The following BIRC6 variants were observed in gnomAD, a reference collection of about 807,000 sequenced individuals.
BIRC6 encodes dual E2 ubiquitin-conjugating enzyme/E3 ubiquitin-protein ligase BIRC6.
A neutral mutation model predicts 503.3 loss-of-function variants in BIRC6; 98 were observed. The ratio of observed to expected loss-of-function variants is 0.19; its 90% CI spans 0.17 to 0.23. The LOEUF is 0.23. BIRC6 is among the 10% of genes least tolerant of loss of function. The pLI is 1.00. For missense variants in BIRC6, 5,360 were observed against 5,806.0 expected, an observed-to-expected ratio of 0.92 and a Z score of 2.50; for synonymous variants, 2,240 against 2,078.7, an observed-to-expected ratio of 1.08 and a Z score of -2.11.
In BIRC6 at chr2:32,575,477, A is replaced by G. The variant is rs941390587; in HGVS notation, c.13355+111A>G. The G allele has an allele frequency of 7.0e-6, 7 of 1,002,242 alleles. No homozygotes were observed. The South Asian group carries it at 1.0e-4, about 15-fold the overall frequency. 62.1% of individuals were successfully genotyped at this position (1,002,242 alleles called of 1,614,324 possible). On this transcript the variant is annotated intron_variant, in intron 66 of 73. Coordinates refer to ENST00000421745, the MANE Select transcript of BIRC6 (RefSeq NM_016252.4). ...ATATGTGCTTTTTAAAAGCATATAC[A>G]CCCTCGGCTGGGTGCGGTGGCTCAC... is the stretch of plus-strand genomic sequence containing the variant.
At chr2:32,486,107 T>C (rs1433006234) in intron 40 of BIRC6, among the ~76,000 whole-genome samples, 1 of 152,176 alleles carries the variant, frequency 6.6e-6, no homozygotes, top group Non-Finnish European at 1.5e-5. Flanking sequence ...TATGATGAAG[T>C]AGATTTTTTG....
At position 32,515,667 on chromosome 2, in the gene BIRC6, C is replaced by G. The variant is rs1232630054; in HGVS notation, c.11246C>G (p.Thr3749Arg). ...RSASLSSAAT[T>R]GLTTQQRTAI... Reference sequence around the variant, plus strand: ...GCTTCTCTTTCTTCAGCTGCTACAACAGGACTGACTACTCAACAGCGCACA... The same window carrying G: ...GCTTCTCTTTCTTCAGCTGCTACAAGAGGACTGACTACTCAACAGCGCACA... Residue 3749 changes from threonine to arginine, a missense_variant, in exon 55 of 74, where the codon ACA (threonine) becomes AGA (arginine). This residue lies in a region of BIRC6 where 878 missense variants were observed against 928.9 expected (regional missense o/e 0.95). Transcript: ENST00000421745. 6.2e-7 allele frequency: 1 copy of G among 1,608,782 alleles called. No individual in the cohort carries two copies. The highest frequency in any genetic ancestry group is 2.2e-5 in the East Asian group (1 of 44,866).
chr2:32,499,440 A>C, intron 45 of BIRC6, 107 bp from the exon 46 acceptor site: 1 of 965,324 alleles, frequency 1.0e-6, no homozygotes, highest in Non-Finnish European at 1.5e-6. Context: ...GTATTGTGAT[A>C]AGTTACTACT....
intron 20 of BIRC6, among the ~76,000 whole-genome samples, chr2:32,444,816 G>C (rs1005557991): frequency 6.6e-6 from 1 of 152,174 alleles, no homozygotes; most frequent in Admixed American, 6.5e-5. Flanking sequence ...TTTAGGTAAA[G>C]CGTGTTTATA....
intron 51 of BIRC6, 120 bp from the exon 52 acceptor site, chr2:32,509,618 G>C: frequency 8.9e-7 from 1 of 1,126,280 alleles, no homozygotes; most frequent in South Asian, 1.4e-5. Flanking sequence ...AAAAAAACAT[G>C]TCTTAGATTG....
Position 32,499,815 on chromosome 2 carries a change from A to C in BIRC6, c.8737A>C (p.Met2913Leu). ...PGDAKAVCGE[M>L]TRDQLMFDLL... Reference sequence around the variant, plus strand: ...TGATGCAAAAGCAGTTTGTGGCGAAATGACAAGAGATCAACTCATGTTTGA... The same window carrying C: ...TGATGCAAAAGCAGTTTGTGGCGAACTGACAAGAGATCAACTCATGTTTGA... The change falls in exon 46 of 74, where the codon ATG becomes CTG. Residue 2913 changes from methionine (M) to leucine (L), a missense_variant. Coordinates refer to ENST00000421745, the MANE Select transcript of BIRC6 (RefSeq NM_016252.4). The C allele has an allele frequency of 1.9e-6, 3 of 1,614,054 alleles. No individual in the cohort carries two copies. The highest frequency in any genetic ancestry group is 2.5e-6 in the Non-Finnish European group (3 of 1,179,886).
chr2:32,529,098 A>G (rs1293070276), intron 59 of BIRC6: 1 of 152,236 alleles, frequency 6.6e-6, no homozygotes, highest in Non-Finnish European at 1.5e-5. Context: ...TCTTAGCTTT[A>G]CATTGTTGAT....
chr2:32,521,505 T>G (rs1380599466), intron 57 of BIRC6, among the ~76,000 whole-genome samples: 1 of 151,876 alleles, frequency 6.6e-6, no homozygotes, highest in Non-Finnish European at 1.5e-5. Context: ...GGAGTCTCAC[T>G]CTGTCCCCCA....
intron 35 of BIRC6, among the ~76,000 whole-genome samples, chr2:32,478,172 A>T (rs2049982310): frequency 6.6e-6 from 1 of 152,090 alleles, no homozygotes; most frequent in Non-Finnish European, 1.5e-5. Flanking sequence ...ACCCGTCCTT[A>T]CTAAAAATAC....
intron 42 of BIRC6, among the ~76,000 whole-genome samples, chr2:32,489,468 A>G (rs752226084): frequency 5.5e-4 from 83 of 151,616 alleles, no homozygotes; most frequent in East Asian, 9.7e-4. Flanking sequence ...TCTGTTTTTA[A>G]TTTTATTATG....
In BIRC6 at chr2:32,357,622, G is replaced by T; in HGVS notation, c.325+136G>T. 1.4e-6 allele frequency: 2 copies of T among 1,415,406 alleles called. No individual in the cohort carries two copies. Among genetic ancestry groups the T allele is most frequent in the Non-Finnish European group, 1.8e-6 (2 of 1,084,918 alleles). The allele number at this position is 1,415,406 out of a possible 1,614,324, so 87.7% of individuals were successfully genotyped here. A position where few individuals can be genotyped will look rare whatever the true frequency, so the allele number is the denominator to read the frequency against. The stretch of plus-strand genomic sequence containing the variant: ...GGTTCGGGCCCAGCCGTGAAGGGAG[G>T]CCCGGAAGCTGATGGAGGGGGACCT... On this transcript the variant is annotated intron_variant, in intron 1 of 73. Coordinates refer to ENST00000421745, the MANE Select transcript of BIRC6 (RefSeq NM_016252.4). The surrounding 1 kb of genome is among the most constrained non-coding windows in gnomAD (Gnocchi z 4.9).
At chr2:32,375,462 C>G (rs571901741) in intron 1 of BIRC6, among the ~76,000 whole-genome samples, 2 of 151,920 alleles carry the variant, frequency 1.3e-5, no homozygotes, top group African/African-American at 2.4e-5. Context: ...GGCAACGTAA[C>G]GAGACCCTGT....
At chr2:32,534,725 T>C (rs1434964845) in intron 61 of BIRC6, among the ~76,000 whole-genome samples, 1 of 94,170 alleles carries the variant, frequency 1.1e-5, no homozygotes, top group Non-Finnish European at 1.9e-5. Flanking sequence ...AGCAAGACTC[T>C]GTCTCAAAAA....
In BIRC6 at chr2:32,601,198, A is replaced by G. The variant is rs115004376; in HGVS notation, c.13992+1298A>G. 9.9e-3 allele frequency among the ~76,000 whole-genome samples: 1,501 copies of G among 152,364 alleles called. 12 individuals carry two copies. Among genetic ancestry groups the G allele is most frequent in the Admixed American group, 0.016 (243 of 15,300 alleles). ...ATACAACTCATTAAATTATTAATCA[A>G]CTACCTGTTGAATGAATTAACGTAT... On this transcript the variant is annotated intron_variant, in intron 70 of 73. Transcript: ENST00000421745.
chr2:32,425,902 A>G (rs2043435795), intron 10 of BIRC6, among the ~76,000 whole-genome samples: 1 of 152,250 alleles, frequency 6.6e-6, no homozygotes. Flanking sequence ...TGCTTCCAGC[A>G]CATGTGCCAC....
chr2:32,612,266 C>A (rs1175526367), intron 73 of BIRC6, among the ~76,000 whole-genome samples: 2 of 152,168 alleles, frequency 1.3e-5, no homozygotes, highest in Admixed American at 1.3e-4. Flanking sequence ...TGCAGATTCT[C>A]CCTCAGCTGA....
At chr2:32,406,267 G>C in intron 8 of BIRC6, among the ~76,000 whole-genome samples, 1 of 152,112 alleles carries the variant, frequency 6.6e-6, no homozygotes, top group Non-Finnish European at 1.5e-5. Context: ...ATGGTGGCGT[G>C]TGCCTGTGGT....
chr2:32,587,469 G>A (rs1337287583), intron 66 of BIRC6, among the ~76,000 whole-genome samples: 2 of 152,184 alleles, frequency 1.3e-5, no homozygotes, highest in Admixed American at 6.5e-5. Context: ...TAAGTGTGGC[G>A]GTTCATGCCT....
intron 9 of BIRC6, among the ~76,000 whole-genome samples, chr2:32,408,282 C>A (rs1279057963): frequency 6.6e-6 from 1 of 151,760 alleles, no homozygotes; most frequent in Non-Finnish European, 1.5e-5. Flanking sequence ...CTGGCTCTTT[C>A]TTTTGTTTTT....
Sources: allele counts gnomAD v4.1 joint callset (sites outside exome capture counted in the v4.1 genomes callset), GRCh38; gene constraint gnomAD v4.1.1; regional missense constraint gnomAD v4.1.1; non-coding constraint Gnocchi (gnomAD v3.1); transcripts MANE v1.5; gene names NCBI Gene and HGNC (gene_info 2026-07-23, HGNC 2026-07-21).